CENPP: variants seen among roughly 807,000 people sequenced by gnomAD.
The protein encoded by CENPP is centromere protein P.
CENPP carries 24 observed loss-of-function variants against 35.6 expected under a neutral mutation model. The observed-to-expected ratio is 0.67, with a 90% CI of 0.49 to 0.95. The LOEUF (loss-of-function observed/expected upper bound fraction) is 0.95. CENPP is among the 40% of genes least tolerant of loss of function. The pLI, the probability that CENPP is intolerant of heterozygous loss-of-function variation, is 0.00. For missense variants in CENPP, 332 were observed against 345.3 expected (o/e 0.96, Z 0.31); for synonymous variants, 120 against 125.5 (o/e 0.96, Z 0.29).
At chr9:92,512,188 A>G in intron 5 of CENPP, 4 of 1,112,968 alleles carry the variant, frequency 3.6e-6, no homozygotes, top group South Asian at 1.3e-5. Context: ...ACACACATGT[A>G]TGGGCATGTG....
At position 92,391,470 on chromosome 9, in the gene CENPP, ATG is replaced by A. The variant is rs1411192534; in HGVS notation, c.564+11612_564+11613del. The stretch of plus-strand genomic sequence containing the variant: ...AACAAGTAACCAGGTGTGGTGGCAC[ATG>A]CCTGTAGTCTCAGCTACTTGCGAGA... On this transcript the variant is annotated intron_variant, in intron 5 of 7. Transcript: ENST00000375587. Among the ~76,000 whole-genome samples the A allele has an allele frequency of 5.6e-4, 85 of 152,202 alleles. 1 individual carries two copies. The highest frequency in any genetic ancestry group is 1.7e-3 in the African/African-American group (71 of 41,552).
At chr9:92,558,645 G>C (rs1193087820) in intron 5 of CENPP, among the ~76,000 whole-genome samples, 2 of 152,132 alleles carry the variant, frequency 1.3e-5, no homozygotes, top group African/African-American at 4.8e-5. Flanking sequence ...CTTCCTGGAA[G>C]GCATCAGCTG....
intron 2 of CENPP, among the ~76,000 whole-genome samples, chr9:92,334,942 T>C (rs1840877156): frequency 6.6e-6 from 1 of 151,546 alleles, no homozygotes; most frequent in African/African-American, 2.4e-5. Context: ...GTCCCAGCAC[T>C]TTGGGAAGCC....
In CENPP at chr9:92,616,961, G is replaced by A. The variant is rs1451224383; in HGVS notation, c.*3812G>A. On this transcript the variant is annotated 3_prime_UTR_variant, in exon 8 of 8. Coordinates refer to ENST00000375587, the MANE Select transcript of CENPP (RefSeq NM_001012267.3). Reference sequence around the variant, plus strand: ...CAACTTCAAAAGCTCCTGCCGAGGAGAGGAAATACTGATCAGCACGTCCCT... The same window carrying A: ...CAACTTCAAAAGCTCCTGCCGAGGAAAGGAAATACTGATCAGCACGTCCCT... 3 of 152,208 alleles carry A rather than the reference G, an allele frequency of 2.0e-5. No individual in the cohort carries two copies. The highest frequency in any genetic ancestry group is 1.9e-4 in the East Asian group (1 of 5,192). The allele number at this position is 152,208 out of a possible 1,614,324, so 9.4% of individuals were successfully genotyped here. A position where few individuals can be genotyped will look rare whatever the true frequency, so the allele number is the denominator to read the frequency against.
chr9:92,381,312 C>T (rs189782028), intron 5 of CENPP, among the ~76,000 whole-genome samples: 285 of 146,600 alleles, frequency 1.9e-3, no homozygotes, highest in African/African-American at 7.0e-3. Context: ...GAGACAGGGT[C>T]TCACTCTGTC....
intron 5 of CENPP, 33 bp from the exon 6 acceptor site, chr9:92,611,281 G>A (rs760385615): frequency 6.4e-7 from 1 of 1,570,394 alleles, no homozygotes; most frequent in Non-Finnish European, 8.8e-7. Flanking sequence ...CCCCACCAGT[G>A]GATCTGTCTA....
At chr9:92,543,293 G>A (rs1849355429) in intron 5 of CENPP, among the ~76,000 whole-genome samples, 1 of 151,858 alleles carries the variant, frequency 6.6e-6, no homozygotes, top group Non-Finnish European at 1.5e-5. Context: ...CCAACATGGT[G>A]AAACCCCATC....
At chr9:92,511,010 G>A (rs908530621) in intron 5 of CENPP, among the ~76,000 whole-genome samples, 8 of 152,222 alleles carry the variant, frequency 5.3e-5, no homozygotes, top group African/African-American at 9.6e-5. Flanking sequence ...GTTTCACTTA[G>A]TGGAATATAG....
chr9:92,602,295 G>A (rs908562038), intron 5 of CENPP, among the ~76,000 whole-genome samples: 8 of 152,186 alleles, frequency 5.3e-5, no homozygotes, highest in Admixed American at 2.6e-4. Flanking sequence ...CAACAGATGC[G>A]GGAGGAATGA....
chr9:92,534,495 C>T (rs1849048764), intron 5 of CENPP, among the ~76,000 whole-genome samples: 1 of 152,174 alleles, frequency 6.6e-6, no homozygotes, highest in Non-Finnish European at 1.5e-5. Flanking sequence ...TTAATTGCCA[C>T]AGTCATTTGA....
intron 5 of CENPP, among the ~76,000 whole-genome samples, chr9:92,469,093 A>G (rs1407762970): frequency 6.6e-6 from 1 of 152,208 alleles, no homozygotes; most frequent in Non-Finnish European, 1.5e-5. Flanking sequence ...TGTTGGTGGA[A>G]TAATGGCCTG....
intron 5 of CENPP, among the ~76,000 whole-genome samples, chr9:92,562,519 C>T (rs981813952): frequency 6.6e-6 from 1 of 151,948 alleles, no homozygotes; most frequent in Admixed American, 6.6e-5. Context: ...GTTTTCTTAT[C>T]TTCAAAGTGA....
chr9:92,544,544 T>A, intron 5 of CENPP, among the ~76,000 whole-genome samples: 1 of 84,032 alleles, frequency 1.2e-5, no homozygotes, highest in East Asian at 1.6e-3. Context: ...TGTTGAGGGG[T>A]TTTTTTTTTT....
At chr9:92,363,196 C>T (rs1322447071) in intron 4 of CENPP, among the ~76,000 whole-genome samples, 6 of 150,572 alleles carry the variant, frequency 4.0e-5, no homozygotes, top group African/African-American at 7.4e-5. Flanking sequence ...TTGGTTCTTT[C>T]AACAAACAGT....
intron 4 of CENPP, among the ~76,000 whole-genome samples, chr9:92,377,505 T>G (rs1201445676): frequency 6.6e-6 from 1 of 152,078 alleles, no homozygotes; most frequent in Non-Finnish European, 1.5e-5. Context: ...AGGTAGGGAG[T>G]GTGGCAAGGG....
rs1179361181 is a variant in CENPP, at chr9:92,522,835, A to G, written c.565-88479A>G. 3 of 1,608,640 alleles carry G rather than the reference A, an allele frequency of 1.9e-6. No individual in the cohort carries two copies. The South Asian group carries it at 3.3e-5, about 18-fold the overall frequency. On this transcript the variant is annotated intron_variant, in intron 5 of 7. Transcript: ENST00000375587. ...AAAGTCAGTTTGAAAAATGATAAGCAGAAAAAAACAAAACAAAACTGCAAT... is the reference window on the plus strand; with the variant it reads ...AAAGTCAGTTTGAAAAATGATAAGCGGAAAAAAACAAAACAAAACTGCAAT...
At chr9:92,392,718 T>G (rs1842738234) in intron 5 of CENPP, among the ~76,000 whole-genome samples, 1 of 152,238 alleles carries the variant, frequency 6.6e-6, no homozygotes, top group Non-Finnish European at 1.5e-5. Context: ...GCACTTTCTG[T>G]GTTTTTATAG....
chr9:92,403,208 C>T (rs778222595), intron 5 of CENPP: 7 of 1,470,154 alleles, frequency 4.8e-6, no homozygotes, highest in Non-Finnish European at 6.5e-6. Context: ...ATTTTAGAAG[C>T]TAAATTTAGA....
Position 92,517,931 on chromosome 9 carries a change from G to T in CENPP, c.565-93383G>T, listed in dbSNP as rs1483499091. 2.8e-5 allele frequency: 44 copies of T among 1,596,692 alleles called. No homozygotes were observed. In the Admixed American group the frequency reaches 7.3e-4, roughly 26 times the overall value. On this transcript the variant is annotated intron_variant, in intron 5 of 7. Coordinates refer to ENST00000375587, the MANE Select transcript of CENPP (RefSeq NM_001012267.3). ...TTCTTATGTGATTATCAGTAACTGT[G>T]AATGGAAGTAAACACAATGTGAAGT...
Sources: gnomAD v4.1 joint callset for allele counts (sites outside exome capture counted in the v4.1 genomes callset) on GRCh38, gnomAD v4.1.1 for gene constraint, MANE v1.5 for transcripts, NCBI Gene and HGNC (gene_info 2026-07-23, HGNC 2026-07-21) for gene names.